Variants in HACD4 observed in about 807,000 individuals in gnomAD.
The protein encoded by HACD4 is very-long-chain (3R)-3-hydroxyacyl-CoA dehydratase 4.
In HACD4, 35 loss-of-function variants were observed where a neutral mutation model predicts 33.3. The observed-to-expected ratio is 1.05, with a 90% CI of 0.80 to 1.39. The LOEUF is 1.39. HACD4 is among the 40% of genes most tolerant of loss of function. The pLI is 0.00. For synonymous variants in HACD4, 118 were observed against 98.0 expected, an observed-to-expected ratio of 1.20 and a Z score of -1.21; for missense variants, 323 against 276.5, an observed-to-expected ratio of 1.17 and a Z score of -1.19.
intron 5 of HACD4, among the ~76,000 whole-genome samples, chr9:21,010,458 C>CG (rs1842387313): frequency 5.5e-5 from 1 of 18,314 alleles, no homozygotes; most frequent in Non-Finnish European, 1.4e-4. Flanking sequence ...ATCCTGGTAC[C>CG]CCCCCCCCCC....
At chr9:21,018,103 T>C (rs1554758154) in intron 3 of HACD4, among the ~76,000 whole-genome samples, 10 of 152,178 alleles carry the variant, frequency 6.6e-5, no homozygotes. Flanking sequence ...TCTAATTCGT[T>C]AACAAATCAT....
Position 21,015,932 on chromosome 9 carries a change from A to C in HACD4, c.349T>G (p.Leu117Val). The change falls in exon 4 of 7, where the codon TTA becomes GTA. Residue 117 changes from leucine to valine, a missense_variant. Physicochemically the swap from Leu to Val is conservative, Grantham distance 32. Transcript: ENST00000495827. ...TCCAATAGATTCCAAAAGACGAATA[A>C]AACACACACCACATATTTCTCTTGG... ...EVQEKYVVCV[L>V]FVFWNLLDMV... 6.2e-7 allele frequency: 1 copy of C among 1,612,906 alleles called. No homozygotes were observed. Among genetic ancestry groups the C allele is most frequent in the Non-Finnish European group, 8.5e-7 (1 of 1,179,072 alleles).
At chr9:21,008,178 T>C in intron 5 of HACD4, 32 bp from the exon 6 acceptor site, 1 of 1,584,540 alleles carries the variant, frequency 6.3e-7, no homozygotes, top group South Asian at 1.2e-5. Context: ...ATAAAGGTAT[T>C]CCTCCTTAAG....
chr9:21,013,986 G>T (rs1014336980), intron 4 of HACD4, among the ~76,000 whole-genome samples: 3 of 152,092 alleles, frequency 2.0e-5, no homozygotes, highest in African/African-American at 7.2e-5. Flanking sequence ...AATATAACTG[G>T]CAAGTGTGGA....
chr9:21,031,148 T>C (rs914666722), intron 1 of HACD4, among the ~76,000 whole-genome samples: 1 of 152,068 alleles, frequency 6.6e-6, no homozygotes. Context: ...ACTGAATCTG[T>C]TCCCCGCCGG....
At chr9:21,014,925 G>A (rs1482175224) in intron 4 of HACD4, among the ~76,000 whole-genome samples, 2 of 152,080 alleles carry the variant, frequency 1.3e-5, no homozygotes, top group Non-Finnish European at 2.9e-5. Flanking sequence ...GAAAGAGTAA[G>A]CATAGCCAAG....
At chr9:21,024,628 A>T (rs953745975) in intron 3 of HACD4, among the ~76,000 whole-genome samples, 9 of 152,242 alleles carry the variant, frequency 5.9e-5, no homozygotes, top group African/African-American at 2.2e-4. Context: ...TTTGTAAAGC[A>T]CATATGTGCA....
chr9:21,022,753 C>A (rs1175736175), intron 3 of HACD4, among the ~76,000 whole-genome samples: 1 of 151,616 alleles, frequency 6.6e-6, no homozygotes, highest in Non-Finnish European at 1.5e-5. Context: ...AATAGGAACA[C>A]TTTTACACTG....
chr9:21,016,090 C>T (rs1842549505), intron 3 of HACD4, 80 bp from the exon 4 acceptor site: 2 of 893,568 alleles, frequency 2.2e-6, no homozygotes, highest in Non-Finnish European at 3.6e-6. Context: ...AAAACCAGAT[C>T]TCCTTTCAAA....
chr9:21,017,744 C>T (rs2275886), intron 3 of HACD4: 114,241 of 152,112 alleles, frequency 0.75, 43,018 homozygotes, highest in South Asian at 0.82. Flanking sequence ...GGGTCTCCTC[C>T]AGATAAAACA....
At chr9:21,023,797 G>A (rs941279554) in intron 3 of HACD4, among the ~76,000 whole-genome samples, 5 of 152,042 alleles carry the variant, frequency 3.3e-5, no homozygotes, top group Admixed American at 6.5e-5. Context: ...GGATGGTCTC[G>A]ATCTCTTGAC....
At chr9:21,018,882 C>A (rs949604617) in intron 3 of HACD4, among the ~76,000 whole-genome samples, 1 of 152,018 alleles carries the variant, frequency 6.6e-6, no homozygotes, top group East Asian at 1.9e-4. Context: ...TGTTACTTTA[C>A]AAATGGCAGG....
intron 5 of HACD4, among the ~76,000 whole-genome samples, chr9:21,009,886 T>C (rs139179463): frequency 2.1e-4 from 32 of 152,320 alleles, no homozygotes; most frequent in African/African-American, 6.7e-4. Flanking sequence ...ACTTGATTCT[T>C]AAAGAATGGA....
At chr9:21,024,892 G>T (rs1028066590) in intron 3 of HACD4, among the ~76,000 whole-genome samples, 13 of 152,140 alleles carry the variant, frequency 8.5e-5, no homozygotes, top group Non-Finnish European at 1.8e-4. Flanking sequence ...CCAGATGATA[G>T]AACACAACTT....
In HACD4 at chr9:21,031,637, G is replaced by C. The variant is rs1313506025; in HGVS notation, c.-47C>G. On this transcript the variant is annotated 5_prime_UTR_variant, in exon 1 of 7. Transcript: ENST00000495827. ...CCAGCGCGGTCCAGGAAGGAGTACC[G>C]GGGAGGAGGCAGGGGCGGCCCCGCG... The C allele has an allele frequency of 7.4e-6, 10 of 1,345,740 alleles. No homozygotes were observed. The highest frequency in any genetic ancestry group is 9.5e-6 in the Non-Finnish European group (10 of 1,052,744). 83.4% of individuals were successfully genotyped at this position (1,345,740 alleles called of 1,614,324 possible).
In HACD4 at chr9:21,031,418, G is replaced by A. The variant is rs532488338; in HGVS notation, c.38+135C>T. ...CAAATACCTGCATGAGCTCCAAGGG[G>A]TGCCTGGGCACGGTAGCGCTGCGCC... is the stretch of plus-strand genomic sequence containing the variant. On this transcript the variant is annotated intron_variant, in intron 1 of 6. Coordinates refer to ENST00000495827, the MANE Select transcript of HACD4 (RefSeq NM_001010915.5). 211 of 1,315,800 alleles carry A rather than the reference G, an allele frequency of 1.6e-4. No individual in the cohort carries two copies. In the East Asian group the frequency reaches 6.0e-3, roughly 37 times the overall value. 81.5% of individuals were successfully genotyped at this position (1,315,800 alleles called of 1,614,324 possible).
At chr9:21,010,114 G>A (rs10738572) in intron 5 of HACD4, among the ~76,000 whole-genome samples, 141,793 of 152,252 alleles carry the variant, frequency 0.93, 66,348 homozygotes, top group East Asian at 1. Flanking sequence ...TGTTAATGTC[G>A]TCATCATTTT....
chr9:21,006,979 AT>A lies in HACD4; in HGVS notation c.*57del. On this transcript the variant is annotated 3_prime_UTR_variant, in exon 7 of 7. Coordinates refer to ENST00000495827, the MANE Select transcript of HACD4 (RefSeq NM_001010915.5). This position sits in a 1 kb window ranked among gnomAD's most constrained non-coding sequence, Gnocchi z 4.6. ...TCCACCAGAATACTTCCTGTGTTTT[AT>A]TTACTGCACTGAATCCACAGCCTGT... is the stretch of plus-strand genomic sequence containing the variant. The A allele has an allele frequency of 1.0e-6, 1 of 958,902 alleles. No homozygotes were observed. Among genetic ancestry groups the A allele is most frequent in the South Asian group, 1.3e-5 (1 of 77,508 alleles). 59.4% of individuals were successfully genotyped at this position (958,902 alleles called of 1,614,324 possible). A position where few individuals can be genotyped will look rare whatever the true frequency, so the allele number is the denominator to read the frequency against.
At chr9:21,022,039 C>T (rs1457534102) in intron 3 of HACD4, among the ~76,000 whole-genome samples, 2 of 152,080 alleles carry the variant, frequency 1.3e-5, no homozygotes, top group Non-Finnish European at 2.9e-5. Flanking sequence ...GAGATATAGA[C>T]CAATGGAACA....
Sources: allele counts gnomAD v4.1 joint callset (sites outside exome capture counted in the v4.1 genomes callset), GRCh38; gene constraint gnomAD v4.1.1; non-coding constraint Gnocchi (gnomAD v3.1); transcripts MANE v1.5; gene names NCBI Gene and HGNC (gene_info 2026-07-23, HGNC 2026-07-21).